AMN: variants seen among roughly 807,000 people sequenced by gnomAD.
AMN encodes the protein amnion associated transmembrane protein, also known as protein amnionless.
Under a neutral mutation model 49.1 loss-of-function variants are expected in AMN, and 40 were observed. That is an observed-to-expected ratio of 0.81 (90% confidence interval 0.63 to 1.06). The LOEUF (loss-of-function observed/expected upper bound fraction) is 1.06, where lower values mean the gene tolerates loss of function less well. AMN is among the 50% of genes least tolerant of loss of function. AMN has a pLI of 0.00. For synonymous variants in AMN, 380 were observed against 313.3 expected, an observed-to-expected ratio of 1.21 and a Z score of -2.25; for missense variants, 701 against 662.8, an observed-to-expected ratio of 1.06 and a Z score of -0.63.
chr14:102,930,751 C>G lies in AMN; in HGVS notation c.*71C>G. On this transcript the variant is annotated 3_prime_UTR_variant, in exon 12 of 12. Coordinates refer to ENST00000299155, the MANE Select transcript of AMN (RefSeq NM_030943.4). ...CCCAGTCGAACTGGGGGCTAGCCAC[C>G]TCCTCGTCCAGCCCCCAAACCTCCC... The G allele has an allele frequency of 6.8e-7, 1 of 1,475,132 alleles. No homozygotes were observed. Among genetic ancestry groups the G allele is most frequent in the Non-Finnish European group, 9.2e-7 (1 of 1,086,862 alleles). The allele number at this position is 1,475,132 out of a possible 1,614,324, so 91.4% of individuals were successfully genotyped here. A position where few individuals can be genotyped will look rare whatever the true frequency, so the allele number is the denominator to read the frequency against.
In AMN at chr14:102,928,909, C is replaced by G; in HGVS notation, c.447C>G (p.Ser149=). The G allele has an allele frequency of 5.0e-6, 8 of 1,602,780 alleles. No individual in the cohort carries two copies. Among genetic ancestry groups the G allele is most frequent in the Non-Finnish European group, 6.8e-6 (8 of 1,179,810 alleles). ...HDDVFFPPSA[S]FRVGLGPGAS... Reference sequence around the variant, plus strand: ...ACGTCTTCTTTCCGCCTAGTGCCTCCTTCCGCGTGGGGCTCGGCCCTGGCG... The same window carrying G: ...ACGTCTTCTTTCCGCCTAGTGCCTCGTTCCGCGTGGGGCTCGGCCCTGGCG... The change falls in exon 5 of 12, where the codon TCC becomes TCG. Residue 149 remains serine, a synonymous_variant. Transcript: ENST00000299155.
chr14:102,923,953 CAAG>C lies in AMN; in HGVS notation c.185_187del (p.Glu62del). The C allele has an allele frequency of 6.2e-7, 1 of 1,613,274 alleles. No homozygotes were observed. The highest frequency in any genetic ancestry group is 1.3e-5 in the African/African-American group (1 of 75,054). On this transcript the variant is annotated inframe_deletion, in exon 3 of 12. Coordinates refer to ENST00000299155, the MANE Select transcript of AMN (RefSeq NM_030943.4). Reference sequence around the variant, plus strand: ...CCTGCAGATGGTGTCAGTCCTGGTGCAAGAAGGTCACGCCGTCTCAGACATGGT... The same window carrying C: ...CCTGCAGATGGTGTCAGTCCTGGTGCAAGGTCACGCCGTCTCAGACATGGT...
At chr14:102,927,375 T>A (rs1305682403) in intron 3 of AMN, among the ~76,000 whole-genome samples, 1 of 152,222 alleles carries the variant, frequency 6.6e-6, no homozygotes, top group Non-Finnish European at 1.5e-5. Context: ...TTTTTCCCCT[T>A]CGTTCTTTAA....
chr14:102,924,904 TG>T (rs1444619429), intron 3 of AMN, among the ~76,000 whole-genome samples: 1 of 139,390 alleles, frequency 7.2e-6, no homozygotes, highest in East Asian at 1.9e-4. Context: ...TTGTAATCGT[TG>T]GGGAAAAAAA....
intron 3 of AMN, among the ~76,000 whole-genome samples, chr14:102,924,494 G>A (rs996708464): frequency 6.6e-6 from 1 of 152,194 alleles, no homozygotes; most frequent in Non-Finnish European, 1.5e-5. Flanking sequence ...GCCAGCGAGG[G>A]GCCTGGGTGG....
In AMN at chr14:102,930,659, C is replaced by T; in HGVS notation, c.1341C>T (p.Ala447=). ...GTTACTTCGTCAACCCTCTGTTCGC[C>T]GGGGCCGAGGCCGAGGCCTGAGCGG... ...SHSYFVNPLF[A]GAEAEA The change falls in exon 12 of 12, where the codon GCC becomes GCT. Residue 447 remains alanine, a synonymous_variant. Transcript: ENST00000299155. 2.0e-6 allele frequency: 3 copies of T among 1,529,406 alleles called. No individual in the cohort carries two copies. The highest frequency in any genetic ancestry group is 1.8e-5 in the Admixed American group (1 of 56,278). The allele number at this position is 1,529,406 out of a possible 1,614,324, so 94.7% of individuals were successfully genotyped here.
At chr14:102,924,948 G>A (rs1456058583) in intron 3 of AMN, among the ~76,000 whole-genome samples, 1 of 152,184 alleles carries the variant, frequency 6.6e-6, no homozygotes, top group Non-Finnish European at 1.5e-5. Flanking sequence ...AAAAATATAT[G>A]ACATTCACAC....
chr14:102,925,189 A>G (rs989392776), intron 3 of AMN, among the ~76,000 whole-genome samples: 34 of 152,312 alleles, frequency 2.2e-4, no homozygotes, highest in African/African-American at 7.7e-4. Flanking sequence ...CTCCTGAGTG[A>G]GGGTCACTGG....
rs1486357625 is a variant in AMN, at chr14:102,930,448, C to T, written c.1212C>T (p.Leu404=). 1 of 1,527,120 alleles carries T rather than the reference C, an allele frequency of 6.5e-7. No individual in the cohort carries two copies. The highest frequency in any genetic ancestry group is 1.2e-5 in the South Asian group (1 of 82,752). 94.6% of individuals were successfully genotyped at this position (1,527,120 alleles called of 1,614,324 possible). The change falls in exon 11 of 12, where the codon CTC becomes CTT. Residue 404 remains leucine (L), a synonymous_variant. Coordinates refer to ENST00000299155, the MANE Select transcript of AMN (RefSeq NM_030943.4). ...CGGCGGCCCCGGCTGGAGCGCCCCTCGGCTTCCGCAACCCGGTGTTCGACG... is the reference window on the plus strand; with the variant it reads ...CGGCGGCCCCGGCTGGAGCGCCCCTTGGCTTCCGCAACCCGGTGTTCGACG... ...HEAAAPAGAP[L]GFRNPVFDVT...
Position 102,930,339 on chromosome 14 carries a change from G to T in AMN, c.1169+12G>T. ...GCGGGGAGGCTCAGGTACGCGGGGC[G>T]GGGGCGCGGAGGTGGGGCTGGGGGT... On this transcript the variant is annotated intron_variant, in intron 10 of 11. Coordinates refer to ENST00000299155, the MANE Select transcript of AMN (RefSeq NM_030943.4). 1 of 1,409,238 alleles carries T rather than the reference G, an allele frequency of 7.1e-7. No individual in the cohort carries two copies. Among genetic ancestry groups the T allele is most frequent in the Non-Finnish European group, 9.2e-7 (1 of 1,089,184 alleles). 87.3% of individuals were successfully genotyped at this position (1,409,238 alleles called of 1,614,324 possible).
Position 102,929,513 on chromosome 14 carries a change from AG to A in AMN, c.741del (p.Gln248SerfsTer12). On this transcript the variant is annotated frameshift_variant, in exon 7 of 12. Transcript: ENST00000299155. LOFTEE classifies it high-confidence loss of function. The part of the protein sequence containing the change: ...QAACHSALRP[Q>X]GQCCDLCGAV... ...GCCTGCCACAGCGCCCTCCGGCCCC[AG>A]GGGCAGTGCTGTGACCTCTGTGGTA... is the stretch of plus-strand genomic sequence containing the variant. The A allele has an allele frequency of 1.3e-6, 2 of 1,535,032 alleles. No homozygotes were observed. The highest frequency in any genetic ancestry group is 1.7e-6 in the Non-Finnish European group (2 of 1,145,832).
intron 3 of AMN, among the ~76,000 whole-genome samples, chr14:102,927,913 A>G (rs1271750181): frequency 6.6e-6 from 1 of 151,570 alleles, no homozygotes; most frequent in Non-Finnish European, 1.5e-5. Flanking sequence ...TCCCCGCTAC[A>G]CTCCCTGCCT....
At chr14:102,928,593 G>A in intron 4 of AMN, 80 bp downstream of exon 4, 1 of 1,521,592 alleles carries the variant, frequency 6.6e-7, no homozygotes, top group Non-Finnish European at 8.9e-7. Context: ...GTCGAGGGGG[G>A]CGAGGACCGG....
Position 102,924,349 on chromosome 14 carries a change from C to T in AMN, c.207+370C>T, listed in dbSNP as rs1012398793. 4.4e-4 allele frequency among the ~76,000 whole-genome samples: 14 copies of T among 32,132 alleles called. No individual in the cohort carries two copies. The Admixed American group carries it at 4.4e-3, about 10-fold the overall frequency. 21.1% of individuals were successfully genotyped at this position (32,132 alleles called of 152,430 possible). A position where few individuals can be genotyped will look rare whatever the true frequency, so the allele number is the denominator to read the frequency against. On this transcript the variant is annotated intron_variant, in intron 3 of 11. Transcript: ENST00000299155. Reference sequence around the variant, plus strand: ...ACACTAGGGAAAGTGTCCCCAACACCCCCCCCTCTACCCACCATCCGGGTC... The same window carrying T: ...ACACTAGGGAAAGTGTCCCCAACACTCCCCCCTCTACCCACCATCCGGGTC...
Position 102,929,642 on chromosome 14 carries a change from C to T in AMN, c.761-13C>T, listed in dbSNP as rs1295359446. 3.2e-6 allele frequency: 5 copies of T among 1,548,924 alleles called. No individual in the cohort carries two copies. Among genetic ancestry groups the T allele is most frequent in the South Asian group, 1.2e-5 (1 of 83,986 alleles). The stretch of plus-strand genomic sequence containing the variant: ...CCGGATCCACGGCGCTGACCCCTGC[C>T]CTCCCGCCGCAGGAGCCGTTGTGTT... On this transcript the variant is annotated splice_polypyrimidine_tract_variant and intron_variant, in intron 7 of 11. Coordinates refer to ENST00000299155, the MANE Select transcript of AMN (RefSeq NM_030943.4).
chr14:102,925,776 G>A (rs1049869431), intron 3 of AMN, among the ~76,000 whole-genome samples: 13 of 152,136 alleles, frequency 8.5e-5, no homozygotes, highest in African/African-American at 4.8e-5. Flanking sequence ...GCAGGGGCAG[G>A]GGACAGTGGC....
chr14:102,922,922 A>AGTGCATCGGGCG, intron 1 of AMN, 191 bp downstream of exon 1: 1 of 785,320 alleles, frequency 1.3e-6, no homozygotes, highest in Non-Finnish European at 2.0e-6. Context: ...GTGCGCGGCC[A>AGTGCATCGGGCG]GTGCATCGGG....
chr14:102,928,703 G>A, intron 4 of AMN, 55 bp from the exon 5 acceptor site: 2 of 1,568,200 alleles, frequency 1.3e-6, no homozygotes, highest in Non-Finnish European at 1.7e-6. Flanking sequence ...GCGTGGCGTG[G>A]CGTGGTGTGG....
In AMN at chr14:102,929,087, G is replaced by C. The variant is rs144077391; in HGVS notation, c.514-34G>C. 1.2e-3 allele frequency: 1,887 copies of C among 1,597,548 alleles called. 11 individuals carry two copies. The African/African-American group carries it at 0.015, about 13-fold the overall frequency. On this transcript the variant is annotated intron_variant, in intron 5 of 11. Transcript: ENST00000299155. ...AGCACTCAGGTGAAGTCTCTTCCTC[G>C]GGCTGGCTCCGGTGGGGACCCGGCT...
Sources: allele counts gnomAD v4.1 joint callset (sites outside exome capture counted in the v4.1 genomes callset), GRCh38; gene constraint gnomAD v4.1.1; transcripts MANE v1.5; gene names NCBI Gene and HGNC (gene_info 2026-07-23, HGNC 2026-07-21).